GPHN: variants seen among roughly 807,000 people sequenced by gnomAD.
The protein encoded by GPHN is gephyrin.
Under a neutral mutation model 95.5 loss-of-function variants are expected in GPHN, and 17 were observed. The observed-to-expected ratio is 0.18, with a 90% CI of 0.12 to 0.27. The LOEUF (loss-of-function observed/expected upper bound fraction) is 0.27, where lower values mean the gene tolerates loss of function less well. Ranked by LOEUF, GPHN falls within the 10% of genes least tolerant of loss-of-function variation. GPHN has a pLI of 1.00. For missense variants in GPHN, 660 were observed against 978.1 expected (o/e 0.67, Z 4.34); for synonymous variants, 320 against 322.5 (o/e 0.99, Z 0.08).
the GPHN span, chr14:67,199,986 G>A: frequency 2.3e-5 from 25 of 1,101,202 alleles, no homozygotes; most frequent in African/African-American, 3.8e-4. Context: ...TGTCTCAGAT[G>A]CAGCTGGCAC....
the GPHN span, chr14:67,653,513 T>C: frequency 3.7e-6 from 6 of 1,609,948 alleles, no homozygotes; most frequent in Admixed American, 3.3e-5. Flanking sequence ...GAAGAGAAAA[T>C]AGTGATTATT....
intron 5 of GPHN, among the ~76,000 whole-genome samples, chr14:66,890,054 T>C (rs2064394957): frequency 6.6e-6 from 1 of 152,104 alleles, no homozygotes; most frequent in African/African-American, 2.4e-5. Context: ...CTACTGAGAC[T>C]GAATCACAAA....
chr14:67,477,850 A>G, the GPHN span, among the ~76,000 whole-genome samples: 1 of 152,160 alleles, frequency 6.6e-6, no homozygotes, highest in African/African-American at 2.4e-5. Context: ...AATTAATGGC[A>G]CCACCATGCA....
the GPHN span, chr14:67,223,971 C>T: frequency 1.8e-5 from 18 of 984,528 alleles, no homozygotes; most frequent in East Asian, 5.7e-4. Context: ...ATATTATAGG[C>T]GGAAATCAGA....
chr14:67,365,797 C>T, the GPHN span, among the ~76,000 whole-genome samples: 21 of 152,120 alleles, frequency 1.4e-4, no homozygotes, highest in African/African-American at 4.3e-4. Flanking sequence ...TCTCCTCAGC[C>T]GTCTGGTTTA....
At chr14:66,920,676 T>A (rs2066171352) in intron 6 of GPHN, among the ~76,000 whole-genome samples, 1 of 151,836 alleles carries the variant, frequency 6.6e-6, no homozygotes, top group African/African-American at 2.4e-5. Flanking sequence ...ATTTGTGAGA[T>A]CCTGGTGCAC....
the GPHN span, among the ~76,000 whole-genome samples, chr14:67,213,366 C>T: frequency 3.7e-5 from 5 of 134,566 alleles, no homozygotes; most frequent in Non-Finnish European, 7.7e-5. Context: ...TTCCTGTGTC[C>T]ATGTGTTCTC....
intron 1 of GPHN, among the ~76,000 whole-genome samples, chr14:66,546,191 C>G (rs1317482617): frequency 2.7e-5 from 4 of 150,840 alleles, no homozygotes; most frequent in African/African-American, 9.8e-5. Context: ...GGAAGAGGCG[C>G]TCCTCACTTC....
chr14:67,586,994 G>C, the GPHN span: 1 of 1,529,686 alleles, frequency 6.5e-7, no homozygotes, highest in Non-Finnish European at 8.8e-7. Context: ...CAGGAACTCA[G>C]CATAAGAGCT....
intron 1 of GPHN, among the ~76,000 whole-genome samples, chr14:66,610,261 G>A (rs949710661): frequency 6.6e-6 from 1 of 152,080 alleles, no homozygotes; most frequent in Admixed American, 6.5e-5. Flanking sequence ...TATAATGGCC[G>A]ATAGATAGGC....
chr14:67,323,857 G>C, the GPHN span: 1 of 990,262 alleles, frequency 1.0e-6, no homozygotes, highest in Non-Finnish European at 1.5e-6. Flanking sequence ...AGGTAAACAT[G>C]AAACAGTCCT....
At chr14:67,570,709 T>C in the GPHN span, 1 of 152,210 alleles carries the variant, frequency 6.6e-6, no homozygotes, top group Non-Finnish European at 1.5e-5. Context: ...ACGTGTCAGG[T>C]CATCCTTCCC....
chr14:66,948,809 G>T (rs548511197), intron 8 of GPHN, among the ~76,000 whole-genome samples: 1 of 152,238 alleles, frequency 6.6e-6, no homozygotes, highest in South Asian at 2.1e-4. Flanking sequence ...GTTTTGGGAG[G>T]TTGTTTGTTT....
intron 8 of GPHN, among the ~76,000 whole-genome samples, chr14:66,943,165 T>C (rs560388744): frequency 1.3e-5 from 2 of 152,328 alleles, no homozygotes; most frequent in East Asian, 3.9e-4. Context: ...TGAGCTTTAT[T>C]TTATCTAATT....
At chr14:67,237,116 A>G in the GPHN span, among the ~76,000 whole-genome samples, 6 of 151,632 alleles carry the variant, frequency 4.0e-5, no homozygotes. Context: ...TTATATATAT[A>G]TATTTATTTA....
chr14:67,066,133 T>A (rs1370054132), intron 11 of GPHN, among the ~76,000 whole-genome samples: 1 of 152,186 alleles, frequency 6.6e-6, no homozygotes. Flanking sequence ...ACAGGCCTGG[T>A]GGTGACAAAA....
chr14:67,236,639 A>G, the GPHN span, among the ~76,000 whole-genome samples: 1 of 152,206 alleles, frequency 6.6e-6, no homozygotes, highest in Non-Finnish European at 1.5e-5. Context: ...ACAACTGTAT[A>G]ATGTTCTTAG....
At chr14:66,889,875 AGACT>A (rs1196477243) in intron 5 of GPHN, among the ~76,000 whole-genome samples, 1 of 149,090 alleles carries the variant, frequency 6.7e-6, no homozygotes, top group African/African-American at 2.6e-5. Flanking sequence ...TTAGCTAGAT[AGACT>A]AAGAAAAAAA....
At chr14:67,111,739 A>G (rs2078387038) in intron 14 of GPHN, 122 bp from the exon 15 acceptor site, 2 of 771,588 alleles carry the variant, frequency 2.6e-6, no homozygotes, top group Non-Finnish European at 4.6e-6. Context: ...TGTAGCAAAT[A>G]GTTTTCTTTT....
Sources: gnomAD v4.1 joint callset for allele counts (sites outside exome capture counted in the v4.1 genomes callset) on GRCh38, gnomAD v4.1.1 for gene constraint, MANE v1.5 for transcripts, NCBI Gene and HGNC (gene_info 2026-07-23, HGNC 2026-07-21) for gene names.